Variants in ZSWIM6 observed in about 807,000 individuals in gnomAD.
The protein encoded by ZSWIM6 is zinc finger SWIM domain-containing protein 6.
In ZSWIM6, 9 loss-of-function variants were observed where a neutral mutation model predicts 113.2. The ratio of observed to expected loss-of-function variants is 0.08; its 90% CI spans 0.05 to 0.14. The LOEUF (loss-of-function observed/expected upper bound fraction) is 0.14, where lower values mean the gene tolerates loss of function less well. Ranked by LOEUF, ZSWIM6 falls within the 10% of genes least tolerant of loss-of-function variation. The pLI is 1.00. For missense variants in ZSWIM6, 1,162 were observed against 1,552.2 expected, an observed-to-expected ratio of 0.75 and a Z score of 4.22; for synonymous variants, 611 against 606.5, an observed-to-expected ratio of 1.01 and a Z score of -0.11.
chr5:61,411,844 G>A (rs973491201), intron 1 of ZSWIM6, among the ~76,000 whole-genome samples: 13 of 152,176 alleles, frequency 8.5e-5, no homozygotes, highest in African/African-American at 2.4e-4. Flanking sequence ...TTGTAAAGGC[G>A]GCACATCACC....
chr5:61,398,146 G>C (rs1489232118), intron 1 of ZSWIM6, among the ~76,000 whole-genome samples: 4 of 152,052 alleles, frequency 2.6e-5, no homozygotes, highest in Non-Finnish European at 5.9e-5. Flanking sequence ...CCAACCCCTG[G>C]GGCCATGGAA....
At chr5:61,350,383 T>C (rs1317244692) in intron 1 of ZSWIM6, among the ~76,000 whole-genome samples, 1 of 152,086 alleles carries the variant, frequency 6.6e-6, no homozygotes, top group East Asian at 1.9e-4. Context: ...GGGAAGGTGG[T>C]GTTTTTTGGG....
chr5:61,346,253 A>G (rs1744656977), intron 1 of ZSWIM6, among the ~76,000 whole-genome samples: 1 of 152,186 alleles, frequency 6.6e-6, no homozygotes, highest in Non-Finnish European at 1.5e-5. Context: ...CCTGGCCCAC[A>G]TTCTTAAATC....
rs369572732 is a variant in ZSWIM6 at position 61,357,955 on chromosome 5, A to G, written c.676+25007A>G. On this transcript the variant is annotated intron_variant, in intron 1 of 13. Coordinates refer to ENST00000252744, the MANE Select transcript of ZSWIM6 (RefSeq NM_020928.2). ...AGTTACCAAGCTGTCCTTGGTTGTTAGCGCCATCTTATGGCAGACGTGGGA... is the reference window on the plus strand; with the variant it reads ...AGTTACCAAGCTGTCCTTGGTTGTTGGCGCCATCTTATGGCAGACGTGGGA... Among the ~76,000 whole-genome samples the G allele has an allele frequency of 8.2e-4, 125 of 152,262 alleles. 2 individuals carry two copies. The South Asian group carries it at 0.026, about 32-fold the overall frequency.
At chr5:61,358,434 C>G (rs1387205692) in intron 1 of ZSWIM6, among the ~76,000 whole-genome samples, 1 of 152,092 alleles carries the variant, frequency 6.6e-6, no homozygotes, top group South Asian at 2.1e-4. Context: ...AGAAGCTAAC[C>G]ACAATTTTCC....
Position 61,332,665 on chromosome 5 carries a change from C to T in ZSWIM6, c.393C>T (p.Gly131=), listed in dbSNP as rs1222501964. Residue 131 remains glycine (G), a synonymous_variant, in exon 1 of 14, where the codon GGC becomes GGT. Transcript: ENST00000252744. The part of the protein sequence containing the change: ...ICMYSSFNTG[G]GAAGGPGDDS... ...TGTACTCGTCCTTCAACACCGGCGG[C>T]GGCGCCGCGGGCGGCCCCGGCGACG... The T allele has an allele frequency of 6.3e-6, 7 of 1,116,490 alleles. No homozygotes were observed. In the South Asian group the frequency reaches 9.1e-5, roughly 15 times the overall value. The allele number at this position is 1,116,490 out of a possible 1,614,324, so 69.2% of individuals were successfully genotyped here.
intron 1 of ZSWIM6, among the ~76,000 whole-genome samples, chr5:61,455,710 C>T (rs1180538750): frequency 1.3e-5 from 2 of 152,120 alleles, no homozygotes; most frequent in Non-Finnish European, 2.9e-5. Context: ...GAGGGCAATA[C>T]TGGGAGCACC....
At chr5:61,448,127 TGGGA>T (rs1580001522) in intron 1 of ZSWIM6, among the ~76,000 whole-genome samples, 1 of 152,320 alleles carries the variant, frequency 6.6e-6, no homozygotes, top group East Asian at 1.9e-4. Flanking sequence ...GTTTTAAGAC[TGGGA>T]GGATCAATTT....
chr5:61,452,643 C>G (rs1430494743), intron 1 of ZSWIM6, among the ~76,000 whole-genome samples: 2 of 152,082 alleles, frequency 1.3e-5, no homozygotes, highest in Admixed American at 1.3e-4. Context: ...ACAGAGAGTT[C>G]CCATATACTC....
chr5:61,422,814 T>C (rs1746381569), intron 1 of ZSWIM6, among the ~76,000 whole-genome samples: 1 of 152,214 alleles, frequency 6.6e-6, no homozygotes, highest in South Asian at 2.1e-4. Context: ...ATTTTATTTG[T>C]AGCTATTGTA....
rs556325458 is a variant in ZSWIM6, at chr5:61,348,310, T to C, written c.676+15362T>C. Among the ~76,000 whole-genome samples, 15 of 152,270 alleles carry C rather than the reference T, an allele frequency of 9.9e-5. No homozygotes were observed. The South Asian group carries it at 3.1e-3, about 32-fold the overall frequency. On this transcript the variant is annotated intron_variant, in intron 1 of 13. Coordinates refer to ENST00000252744, the MANE Select transcript of ZSWIM6 (RefSeq NM_020928.2). ...TAGGATGAGTCTTGGTGGTAGTGGGTTAAGCCATGGTGGATTAAGCTCTGA... is the reference window on the plus strand; with the variant it reads ...TAGGATGAGTCTTGGTGGTAGTGGGCTAAGCCATGGTGGATTAAGCTCTGA...
chr5:61,373,548 C>T (rs1312895333), intron 1 of ZSWIM6, among the ~76,000 whole-genome samples: 2 of 152,016 alleles, frequency 1.3e-5, no homozygotes, highest in African/African-American at 2.4e-5. Flanking sequence ...CTAATAATCA[C>T]GTCTGGTTCA....
intron 1 of ZSWIM6, among the ~76,000 whole-genome samples, chr5:61,343,262 T>C (rs572336584): frequency 6.6e-6 from 1 of 152,312 alleles, no homozygotes; most frequent in South Asian, 2.1e-4. Flanking sequence ...GATCAGATAC[T>C]TTGGAAGCTC....
intron 8 of ZSWIM6, 28 bp downstream of exon 8, chr5:61,530,226 G>A (rs1212326835): frequency 1.3e-6 from 2 of 1,525,916 alleles, no homozygotes; most frequent in Non-Finnish European, 1.8e-6. Flanking sequence ...TGTCTCATGT[G>A]CTTTTCTTTT....
chr5:61,498,760 G>C (rs1162563821), intron 4 of ZSWIM6, among the ~76,000 whole-genome samples: 2 of 152,090 alleles, frequency 1.3e-5, no homozygotes, highest in Non-Finnish European at 2.9e-5. Flanking sequence ...CTTGAATAAG[G>C]AGAAAAACAT....
intron 1 of ZSWIM6, among the ~76,000 whole-genome samples, chr5:61,410,022 C>G (rs371783544): frequency 2.0e-5 from 3 of 152,166 alleles, no homozygotes; most frequent in Non-Finnish European, 4.4e-5. Context: ...GAGAGGAAGC[C>G]TTGGACTTAT....
At chr5:61,534,153 G>A (rs1749515950) in intron 9 of ZSWIM6, among the ~76,000 whole-genome samples, 1 of 152,106 alleles carries the variant, frequency 6.6e-6, no homozygotes, top group African/African-American at 2.4e-5. Context: ...AAATAATGTA[G>A]CCTTGGTATA....
intron 1 of ZSWIM6, among the ~76,000 whole-genome samples, chr5:61,392,157 T>G (rs1745731154): frequency 1.3e-5 from 2 of 152,188 alleles, no homozygotes; most frequent in South Asian, 4.1e-4. Context: ...ACTTTCAATG[T>G]TGTGTTTTCT....
At chr5:61,345,409 A>G (rs1319863587) in intron 1 of ZSWIM6, among the ~76,000 whole-genome samples, 1 of 152,200 alleles carries the variant, frequency 6.6e-6, no homozygotes, top group African/African-American at 2.4e-5. Context: ...TTGAGTTTAA[A>G]GTTTTTGGAT....
Sources: gnomAD v4.1 joint callset for allele counts (sites outside exome capture counted in the v4.1 genomes callset) on GRCh38, gnomAD v4.1.1 for gene constraint, MANE v1.5 for transcripts, NCBI Gene and HGNC (gene_info 2026-07-23, HGNC 2026-07-21) for gene names.